Variants in DPP10 observed in about 807,000 individuals in gnomAD.
The protein encoded by DPP10 is dipeptidyl peptidase like 10.
In DPP10, 33 loss-of-function variants were observed where a neutral mutation model predicts 120.9. That is an observed-to-expected ratio of 0.27 (90% CI 0.21 to 0.37). DPP10 has a LOEUF of 0.37. Ranked by LOEUF, DPP10 falls within the 10% of genes least tolerant of loss-of-function variation. DPP10 has a pLI of 1.00. For missense variants in DPP10, 816 were observed against 942.8 expected, an observed-to-expected ratio of 0.87 and a Z score of 1.76; for synonymous variants, 337 against 326.1, an observed-to-expected ratio of 1.03 and a Z score of -0.36.
rs1688218580 is a variant in DPP10, at chr2:114,555,535, G to A, written c.60+112697G>A. 2.0e-5 allele frequency among the ~76,000 whole-genome samples: 3 copies of A among 152,256 alleles called. No homozygotes were observed. The South Asian group carries it at 6.2e-4, about 32-fold the overall frequency. On this transcript the variant is annotated intron_variant, in intron 1 of 25. Transcript: ENST00000410059. ...GCATGATTGGGAAAGTCTCTCTGAG[G>A]GATAGATATTTGAGTTCATTCATTC...
chr2:114,612,730 C>T (rs1309937628), intron 1 of DPP10, among the ~76,000 whole-genome samples: 1 of 152,152 alleles, frequency 6.6e-6, no homozygotes, highest in African/African-American at 2.4e-5. Flanking sequence ...AGTTAGATTC[C>T]TGGCTCAGTC....
chr2:115,484,509 A>G (rs747772447), intron 3 of DPP10, among the ~76,000 whole-genome samples: 18 of 152,118 alleles, frequency 1.2e-4, no homozygotes, highest in African/African-American at 4.1e-4. Context: ...TGGACCATCT[A>G]TGACCAATGA....
chr2:115,778,246 A>G (rs1682356966), intron 15 of DPP10, among the ~76,000 whole-genome samples: 1 of 152,078 alleles, frequency 6.6e-6, no homozygotes, highest in Non-Finnish European at 1.5e-5. Flanking sequence ...TGTTGTGAAC[A>G]GTTAGTCTAG....
At chr2:115,462,602 G>A (rs2074057880) in intron 3 of DPP10, among the ~76,000 whole-genome samples, 1 of 152,082 alleles carries the variant, frequency 6.6e-6, no homozygotes, top group Non-Finnish European at 1.5e-5. Flanking sequence ...ATTTAATATT[G>A]AATACAGAAT....
At chr2:114,540,297 T>C (rs1456140365) in intron 1 of DPP10, among the ~76,000 whole-genome samples, 1 of 152,210 alleles carries the variant, frequency 6.6e-6, no homozygotes, top group East Asian at 1.9e-4. Flanking sequence ...GGAATATGTA[T>C]AATTAGAACT....
intron 1 of DPP10, among the ~76,000 whole-genome samples, chr2:114,938,026 A>G (rs1696613677): frequency 6.6e-6 from 1 of 152,190 alleles, no homozygotes; most frequent in Non-Finnish European, 1.5e-5. Context: ...AGTAACATAT[A>G]CACATTTCAG....
chr2:114,502,170 G>C (rs911134624), intron 1 of DPP10, among the ~76,000 whole-genome samples: 6 of 152,114 alleles, frequency 3.9e-5, no homozygotes, highest in African/African-American at 1.4e-4. Context: ...GGCCAGGCTG[G>C]TCTTGAACTC....
At chr2:114,664,655 A>C (rs1178200656) in intron 1 of DPP10, among the ~76,000 whole-genome samples, 2 of 151,940 alleles carry the variant, frequency 1.3e-5, no homozygotes, top group Admixed American at 6.6e-5. Flanking sequence ...AAAAGAAAGA[A>C]AGAAATTCAT....
At chr2:114,493,428 G>T (rs1023068830) in intron 1 of DPP10, among the ~76,000 whole-genome samples, 2 of 152,102 alleles carry the variant, frequency 1.3e-5, no homozygotes, top group African/African-American at 4.8e-5. Context: ...GCAGCAGGTG[G>T]CGTCACACAG....
intron 19 of DPP10, among the ~76,000 whole-genome samples, chr2:115,807,202 C>G (rs114527936): frequency 0.018 from 2,778 of 152,278 alleles, 88 homozygotes; most frequent in African/African-American, 0.061. Context: ...AATTAATGTA[C>G]TAAGACTTTG....
rs545126076 is a variant in DPP10, at chr2:115,615,403, G to A, written c.442-74284G>A. Among the ~76,000 whole-genome samples the A allele has an allele frequency of 3.9e-5, 6 of 152,166 alleles. No homozygotes were observed. In the East Asian group the frequency reaches 9.7e-4, roughly 24 times the overall value. On this transcript the variant is annotated intron_variant, in intron 5 of 25. Transcript: ENST00000410059. ...AAAATGGATATTATTTGTCTCATTC[G>A]ATGGACTTACTATAAATTCTAGAAT...
intron 1 of DPP10, among the ~76,000 whole-genome samples, chr2:115,104,706 T>C (rs2048862680): frequency 6.6e-6 from 1 of 152,028 alleles, no homozygotes; most frequent in Admixed American, 6.6e-5. Context: ...TTATGTTATG[T>C]AGGAAAAAAA....
At chr2:115,068,913 T>C (rs917639307) in intron 1 of DPP10, among the ~76,000 whole-genome samples, 3 of 152,174 alleles carry the variant, frequency 2.0e-5, no homozygotes, top group Non-Finnish European at 4.4e-5. Flanking sequence ...TACAATTCCA[T>C]TGGGCTGTAT....
chr2:115,554,184 A>G (rs1263209413), intron 5 of DPP10, among the ~76,000 whole-genome samples: 1 of 151,878 alleles, frequency 6.6e-6, no homozygotes, highest in African/African-American at 2.4e-5. Flanking sequence ...AGTTTCAGGC[A>G]GTTAAAATTG....
chr2:115,008,028 A>T (rs1159750831), intron 1 of DPP10, among the ~76,000 whole-genome samples: 3 of 150,284 alleles, frequency 2.0e-5, no homozygotes, highest in Admixed American at 6.6e-5. Context: ...ATTCAATGCC[A>T]TCCCCATCAA....
intron 1 of DPP10, among the ~76,000 whole-genome samples, chr2:114,712,715 T>C (rs569618049): frequency 6.6e-6 from 1 of 152,292 alleles, no homozygotes; most frequent in South Asian, 2.1e-4. Context: ...ATGAAATAGA[T>C]ATACATCAGC....
intron 1 of DPP10, among the ~76,000 whole-genome samples, chr2:114,660,595 A>T (rs1163035176): frequency 6.6e-6 from 1 of 152,214 alleles, no homozygotes; most frequent in Non-Finnish European, 1.5e-5. Context: ...AACTCATTAG[A>T]AAGTGACCTT....
At chr2:115,329,925 T>A (rs2062608027) in intron 2 of DPP10, among the ~76,000 whole-genome samples, 1 of 152,222 alleles carries the variant, frequency 6.6e-6, no homozygotes. Context: ...TATAGCAGCA[T>A]GATTTATAAT....
At chr2:115,449,783 G>A (rs1397522496) in intron 3 of DPP10, among the ~76,000 whole-genome samples, 2 of 152,060 alleles carry the variant, frequency 1.3e-5, no homozygotes, top group Non-Finnish European at 2.9e-5. Context: ...CAGATCCTCG[G>A]CACATATGTA....
Sources: allele counts gnomAD v4.1 joint callset (sites outside exome capture counted in the v4.1 genomes callset), GRCh38; gene constraint gnomAD v4.1.1; transcripts MANE v1.5; gene names NCBI Gene and HGNC (gene_info 2026-07-23, HGNC 2026-07-21).